DDX46: variants seen among roughly 807,000 people sequenced by gnomAD.
DDX46 encodes the protein DEAD-box helicase 46.
In DDX46, 30 loss-of-function variants were observed where a neutral mutation model predicts 134.9. The observed-to-expected ratio is 0.22, with a 90% CI of 0.17 to 0.30. The LOEUF is 0.30. DDX46 is among the 10% of genes least tolerant of loss of function. DDX46 has a pLI of 1.00. For missense variants in DDX46, 622 were observed against 1,248.7 expected, an observed-to-expected ratio of 0.50 and a Z score of 7.56; for synonymous variants, 415 against 404.1, an observed-to-expected ratio of 1.03 and a Z score of -0.32.
At chr5:134,779,588 G>T (rs374815309) in intron 6 of DDX46, among the ~76,000 whole-genome samples, 1 of 152,044 alleles carries the variant, frequency 6.6e-6, no homozygotes, top group East Asian at 1.9e-4. Context: ...TACCTCATAC[G>T]CCTGGGCTGA....
rs1754956321 is a variant in DDX46, at chr5:134,805,424, C to A, written c.1955-2324C>A. Reference sequence around the variant, plus strand: ...CTTGTAATCCGCCCGCCTCGGCCTCCCAAAGTGCTGGAATTACAGGCATGA... The same window carrying A: ...CTTGTAATCCGCCCGCCTCGGCCTCACAAAGTGCTGGAATTACAGGCATGA... On this transcript the variant is annotated intron_variant, in intron 15 of 22. Coordinates refer to ENST00000452510, the MANE Select transcript of DDX46 (RefSeq NM_001300860.2). Among the ~76,000 whole-genome samples the A allele has an allele frequency of 2.0e-5, 3 of 152,054 alleles. No homozygotes were observed. The South Asian group carries it at 6.2e-4, about 31-fold the overall frequency.
In DDX46 at chr5:134,813,941, A is replaced by G. The variant is rs181328243; in HGVS notation, c.2436+2096A>G. Among the ~76,000 whole-genome samples the G allele has an allele frequency of 1.3e-4, 20 of 152,178 alleles. No individual in the cohort carries two copies. The East Asian group carries it at 3.5e-3, about 26-fold the overall frequency. On this transcript the variant is annotated intron_variant, in intron 18 of 22. Transcript: ENST00000452510. ...TGCCCAGCCCACTTTCTTCTATTAGAAGGAAGTCATTAAGTCCAGCCCACA... is the reference window on the plus strand; with the variant it reads ...TGCCCAGCCCACTTTCTTCTATTAGGAGGAAGTCATTAAGTCCAGCCCACA...
intron 18 of DDX46, among the ~76,000 whole-genome samples, chr5:134,812,459 A>G (rs1442658240): frequency 6.6e-6 from 1 of 152,028 alleles, no homozygotes; most frequent in Non-Finnish European, 1.5e-5. Context: ...TGGACATATC[A>G]TGTTAAACTT....
At chr5:134,791,548 G>A (rs1450672023) in intron 13 of DDX46, among the ~76,000 whole-genome samples, 1 of 150,086 alleles carries the variant, frequency 6.7e-6, no homozygotes, top group Non-Finnish European at 1.5e-5. Context: ...GAGACAGAGC[G>A]AGACTCCGTC....
chr5:134,815,706 CA>C (rs374562980), intron 18 of DDX46, among the ~76,000 whole-genome samples: 31 of 28,696 alleles, frequency 1.1e-3, no homozygotes, highest in South Asian at 3.2e-3. Flanking sequence ...GACTCTGTCT[CA>C]AAAAAAAAAA....
chr5:134,768,229 C>T (rs1435978254), intron 3 of DDX46, among the ~76,000 whole-genome samples: 3 of 151,646 alleles, frequency 2.0e-5, no homozygotes, highest in East Asian at 2.0e-4. Flanking sequence ...CTTGCCTCAG[C>T]CTCCCGAGTA....
At position 134,830,298 on chromosome 5, in the gene DDX46, G is replaced by A. The variant is rs1021341635; in HGVS notation, c.*1592G>A. Reference sequence around the variant, plus strand: ...AATTTAAAGGTTACAGTATACAGGCGGTTAAAGTATACAGGAGGATGTGCA... The same window carrying A: ...AATTTAAAGGTTACAGTATACAGGCAGTTAAAGTATACAGGAGGATGTGCA... On this transcript the variant is annotated 3_prime_UTR_variant, in exon 23 of 23. Transcript: ENST00000452510. 2.6e-5 allele frequency: 4 copies of A among 151,968 alleles called. No individual in the cohort carries two copies. The highest frequency in any genetic ancestry group is 2.9e-5 in the Non-Finnish European group (2 of 67,978). 9.4% of individuals were successfully genotyped at this position (151,968 alleles called of 1,614,324 possible). A position where few individuals can be genotyped will look rare whatever the true frequency, so the allele number is the denominator to read the frequency against.
chr5:134,786,251 CAT>C (rs1754331251), intron 11 of DDX46, among the ~76,000 whole-genome samples: 1 of 152,096 alleles, frequency 6.6e-6, no homozygotes, highest in Non-Finnish European at 1.5e-5. Flanking sequence ...GTATATCAAA[CAT>C]GTTGTACACC....
chr5:134,778,427 C>G (rs1454155789), intron 6 of DDX46, among the ~76,000 whole-genome samples: 1 of 151,854 alleles, frequency 6.6e-6, no homozygotes, highest in Non-Finnish European at 1.5e-5. Context: ...ACAGTATGTC[C>G]CTTCTCCCTT....
chr5:134,804,017 C>T (rs1321583149), intron 15 of DDX46, among the ~76,000 whole-genome samples: 1 of 147,630 alleles, frequency 6.8e-6, no homozygotes, highest in South Asian at 2.1e-4. Context: ...ACTGCATCCT[C>T]GACCTCCAGG....
At chr5:134,825,088 C>T (rs542835241) in intron 21 of DDX46, among the ~76,000 whole-genome samples, 1 of 152,266 alleles carries the variant, frequency 6.6e-6, no homozygotes, top group African/African-American at 2.4e-5. Context: ...AGAATTTAAA[C>T]TGGTCCAAAT....
chr5:134,827,959 C>G (rs1755634945), intron 22 of DDX46, among the ~76,000 whole-genome samples: 1 of 152,194 alleles, frequency 6.6e-6, no homozygotes, highest in Admixed American at 6.5e-5. Context: ...TACATCAATT[C>G]ACACTCAATC....
chr5:134,812,475 C>T (rs1755173645), intron 18 of DDX46, among the ~76,000 whole-genome samples: 1 of 150,832 alleles, frequency 6.6e-6, no homozygotes, highest in African/African-American at 2.4e-5. Flanking sequence ...AACTTAAGTT[C>T]AGAAAATAAT....
At chr5:134,802,122 T>A (rs543383763) in intron 15 of DDX46, among the ~76,000 whole-genome samples, 227 of 152,074 alleles carry the variant, frequency 1.5e-3, no homozygotes, top group African/African-American at 5.2e-3. Flanking sequence ...TTCAACCTTT[T>A]TTTTCCCCTC....
At chr5:134,827,281 T>C (rs1475336159) in intron 22 of DDX46, among the ~76,000 whole-genome samples, 2 of 148,822 alleles carry the variant, frequency 1.3e-5, no homozygotes, top group African/African-American at 2.4e-5. Context: ...TTTCTTTTCT[T>C]TTTTTTTTTT....
chr5:134,769,535 T>G (rs1476161213), intron 3 of DDX46, among the ~76,000 whole-genome samples: 2 of 150,088 alleles, frequency 1.3e-5, no homozygotes, highest in Non-Finnish European at 3.0e-5. Context: ...TTTGTTTTTT[T>G]TGTTTGTTTT....
intron 21 of DDX46, among the ~76,000 whole-genome samples, chr5:134,823,844 T>C (rs1580823349): frequency 6.6e-6 from 1 of 152,194 alleles, no homozygotes; most frequent in African/African-American, 2.4e-5. Flanking sequence ...GATAGAGGAA[T>C]GTGGCAATAA....
rs1256563324 is a variant in DDX46 at position 134,829,131 on chromosome 5, CCTTGATGTTACATGA to C, written c.*428_*442del. 2 of 152,778 alleles carry C rather than the reference CCTTGATGTTACATGA, an allele frequency of 1.3e-5. No individual in the cohort carries two copies. Among genetic ancestry groups the C allele is most frequent in the African/African-American group, 4.8e-5 (2 of 41,472 alleles). 9.5% of individuals were successfully genotyped at this position (152,778 alleles called of 1,614,324 possible). A position where few individuals can be genotyped will look rare whatever the true frequency, so the allele number is the denominator to read the frequency against. On this transcript the variant is annotated 3_prime_UTR_variant, in exon 23 of 23. Transcript: ENST00000452510. ...TTCACTATCATATTTTGTGTCCCCA[CCTTGATGTTACATGA>C]CTCTGGAACAATATGAACTGGATTT...
At chr5:134,777,540 A>G (rs200647017) in intron 5 of DDX46, 34 bp from the exon 6 acceptor site, 1 of 1,607,794 alleles carries the variant, frequency 6.2e-7, no homozygotes, top group Non-Finnish European at 8.5e-7. Flanking sequence ...ATTTTTAAAC[A>G]GATGTTTAAA....
Sources: gnomAD v4.1 joint callset for allele counts (sites outside exome capture counted in the v4.1 genomes callset) on GRCh38, gnomAD v4.1.1 for gene constraint, MANE v1.5 for transcripts, NCBI Gene and HGNC (gene_info 2026-07-23, HGNC 2026-07-21) for gene names.